The following STX3 variants were observed in gnomAD, a reference collection of about 807,000 sequenced individuals.
STX3 encodes the protein syntaxin-3.
In STX3, 19 loss-of-function variants were observed where a neutral mutation model predicts 40.2. The observed-to-expected ratio is 0.47, with a 90% CI of 0.33 to 0.69. The LOEUF is 0.69. Among genes scored for constraint, STX3 ranks in the 30% least tolerant of loss-of-function variants. STX3 has a pLI of 0.02. For synonymous variants in STX3, 122 were observed against 132.2 expected, an observed-to-expected ratio of 0.92 and a Z score of 0.53; for missense variants, 364 against 366.7, an observed-to-expected ratio of 0.99 and a Z score of 0.06.
chr11:59,765,607 C>A (rs1480192602), intron 1 of STX3, among the ~76,000 whole-genome samples: 1 of 152,124 alleles, frequency 6.6e-6, no homozygotes, highest in African/African-American at 2.4e-5. Flanking sequence ...AGTCCAAGAC[C>A]AGCCTGAGCT....
At chr11:59,781,617 A>G in intron 2 of STX3, 4 of 1,613,610 alleles carry the variant, frequency 2.5e-6, no homozygotes, top group Non-Finnish European at 3.4e-6. Flanking sequence ...CATTGCGCCC[A>G]TTTTTCGCAA....
chr11:59,755,780 C>T (rs1343200226), intron 1 of STX3, 145 bp downstream of exon 1: 6 of 1,133,686 alleles, frequency 5.3e-6, no homozygotes, highest in East Asian at 3.1e-5. Flanking sequence ...GCGCCGGTTC[C>T]GCACCCTCCC....
intron 2 of STX3, among the ~76,000 whole-genome samples, chr11:59,778,069 T>C (rs1249838826): frequency 1.8e-4 from 28 of 152,172 alleles, no homozygotes; most frequent in Admixed American, 1.8e-3. Context: ...TTAGGGCTAT[T>C]GAACTTGTTA....
chr11:59,801,777 T>C lies in STX3; in HGVS notation c.*953T>C. On this transcript the variant is annotated 3_prime_UTR_variant, in exon 11 of 11. Transcript: ENST00000337979. ...TGAAATGTATGTACACATAAGTGTG[T>C]GTGTCTCAGGAAGTAGGAAATAAAA... 19 of 985,504 alleles carry C rather than the reference T, an allele frequency of 1.9e-5. No homozygotes were observed. The highest frequency in any genetic ancestry group is 2.2e-5 in the Non-Finnish European group (18 of 829,900). 61.0% of individuals were successfully genotyped at this position (985,504 alleles called of 1,614,324 possible). A position where few individuals can be genotyped will look rare whatever the true frequency, so the allele number is the denominator to read the frequency against.
intron 2 of STX3, among the ~76,000 whole-genome samples, chr11:59,784,828 C>T (rs1198989808): frequency 6.6e-6 from 1 of 152,116 alleles, no homozygotes; most frequent in Non-Finnish European, 1.5e-5. Flanking sequence ...TGGGTCGGGA[C>T]ACAGAGCCAA....
chr11:59,801,262 A>C lies in STX3; in HGVS notation c.*438A>C. On this transcript the variant is annotated 3_prime_UTR_variant, in exon 11 of 11. Transcript: ENST00000337979. Reference sequence around the variant, plus strand: ...GGAGTATCTTTAACAAAGCAGAATGATTCTTCTAAGTTTGGCAACAAGAAG... The same window carrying C: ...GGAGTATCTTTAACAAAGCAGAATGCTTCTTCTAAGTTTGGCAACAAGAAG... The C allele has an allele frequency of 9.8e-7, 1 of 1,016,914 alleles. No homozygotes were observed. Among genetic ancestry groups the C allele is most frequent in the Non-Finnish European group, 1.2e-6 (1 of 849,744 alleles). The allele number at this position is 1,016,914 out of a possible 1,614,324, so 63.0% of individuals were successfully genotyped here.
intron 8 of STX3, among the ~76,000 whole-genome samples, chr11:59,794,066 T>A (rs1801787622): frequency 6.6e-6 from 1 of 152,186 alleles, no homozygotes; most frequent in African/African-American, 2.4e-5. Context: ...AGGTTTAACA[T>A]AAATTTTTAT....
At chr11:59,755,746 C>T in intron 1 of STX3, 111 bp downstream of exon 1, 2 of 1,369,124 alleles carry the variant, frequency 1.5e-6, no homozygotes, top group South Asian at 1.5e-5. Flanking sequence ...GAGGCTTGCC[C>T]TCCCCAAGCC....
At chr11:59,781,744 G>A (rs954619906) in intron 2 of STX3, 3 of 1,569,698 alleles carry the variant, frequency 1.9e-6, no homozygotes, top group Admixed American at 1.9e-5. Flanking sequence ...GGGCTGGCGT[G>A]CAGAGAGCAA....
rs1017060233 is a variant in STX3, at chr11:59,805,727, A to T, written c.*4903A>T. ...AACACTCTCCCTCTTGGAGAATTTCAGACCCAGAAAAGGCCACGCAGTTCT... is the reference window on the plus strand; with the variant it reads ...AACACTCTCCCTCTTGGAGAATTTCTGACCCAGAAAAGGCCACGCAGTTCT... On this transcript the variant is annotated 3_prime_UTR_variant, in exon 11 of 11. Transcript: ENST00000337979. 6.5e-6 allele frequency: 1 copy of T among 152,676 alleles called. No individual in the cohort carries two copies. The highest frequency in any genetic ancestry group is 1.5e-5 in the Non-Finnish European group (1 of 68,410). The allele number at this position is 152,676 out of a possible 1,614,324, so 9.5% of individuals were successfully genotyped here.
chr11:59,772,609 G>A (rs908956399), intron 1 of STX3, among the ~76,000 whole-genome samples: 3 of 152,178 alleles, frequency 2.0e-5, no homozygotes, highest in African/African-American at 4.8e-5. Flanking sequence ...TGAACAGCAT[G>A]GAGAAGGGTT....
chr11:59,797,459 G>A, intron 10 of STX3, 63 bp downstream of exon 10: 2 of 1,236,300 alleles, frequency 1.6e-6, no homozygotes, highest in South Asian at 2.5e-5. Flanking sequence ...ATTAGCTTGG[G>A]ATTTCAAATT....
At chr11:59,797,488 G>T in intron 10 of STX3, 92 bp downstream of exon 10, 1 of 931,844 alleles carries the variant, frequency 1.1e-6, no homozygotes. Flanking sequence ...TTCCCCCTAT[G>T]ATTGTCCTTG....
Position 59,801,796 on chromosome 11 carries a change from A to T in STX3, c.*972A>T, listed in dbSNP as rs1865896923. ...AGTGTGTGTGTCTCAGGAAGTAGGA[A>T]ATAAAAATGGAAGCTATTATGACCT... On this transcript the variant is annotated 3_prime_UTR_variant, in exon 11 of 11. Transcript: ENST00000337979. 1 of 985,694 alleles carries T rather than the reference A, an allele frequency of 1.0e-6. No individual in the cohort carries two copies. Among genetic ancestry groups the T allele is most frequent in the Admixed American group, 6.2e-5 (1 of 16,260 alleles). The allele number at this position is 985,694 out of a possible 1,614,324, so 61.1% of individuals were successfully genotyped here. A position where few individuals can be genotyped will look rare whatever the true frequency, so the allele number is the denominator to read the frequency against.
At chr11:59,795,312 G>A (rs973652830) in intron 8 of STX3, 60 bp from the exon 9 acceptor site, 32 of 1,369,150 alleles carry the variant, frequency 2.3e-5, no homozygotes, top group Non-Finnish European at 2.9e-5. Context: ...TCCCTTCCCC[G>A]CATTGGCTAG....
In STX3 at chr11:59,755,537, T is replaced by C. The variant is rs1175190146; in HGVS notation, c.-69T>C. On this transcript the variant is annotated 5_prime_UTR_variant, in exon 1 of 11. Coordinates refer to ENST00000337979, the MANE Select transcript of STX3 (RefSeq NM_004177.5). ...CGGCCGCCGCTTCCGGCAGCTCACCTGGGAAGCGCTCACCTGGGACGCGCT... is the reference window on the plus strand; with the variant it reads ...CGGCCGCCGCTTCCGGCAGCTCACCCGGGAAGCGCTCACCTGGGACGCGCT... 1 of 1,555,716 alleles carries C rather than the reference T, an allele frequency of 6.4e-7. No individual in the cohort carries two copies. Among genetic ancestry groups the C allele is most frequent in the South Asian group, 1.1e-5 (1 of 87,102 alleles).
chr11:59,802,417 C>T lies in STX3; in HGVS notation c.*1593C>T. On this transcript the variant is annotated 3_prime_UTR_variant, in exon 11 of 11. Transcript: ENST00000337979. ...AAGCACCCTTAATTCAGGCACTGTCCATTAGCTTCCTTTGCAAAGGCTACT... is the reference window on the plus strand; with the variant it reads ...AAGCACCCTTAATTCAGGCACTGTCTATTAGCTTCCTTTGCAAAGGCTACT... 1.0e-6 allele frequency: 1 copy of T among 985,788 alleles called. No homozygotes were observed. Among genetic ancestry groups the T allele is most frequent in the Non-Finnish European group, 1.2e-6 (1 of 829,936 alleles). The allele number at this position is 985,788 out of a possible 1,614,324, so 61.1% of individuals were successfully genotyped here.
At chr11:59,788,219 C>T (rs570838556) in intron 3 of STX3, among the ~76,000 whole-genome samples, 1 of 152,288 alleles carries the variant, frequency 6.6e-6, no homozygotes, top group South Asian at 2.1e-4. Context: ...CTGTGCACAC[C>T]TTGACCAGAA....
intron 1 of STX3, among the ~76,000 whole-genome samples, chr11:59,765,767 G>A (rs1351410482): frequency 1.3e-5 from 2 of 152,144 alleles, no homozygotes; most frequent in South Asian, 2.1e-4. Flanking sequence ...TTGCACCACC[G>A]TACTCCAGCC....
Sources: allele counts gnomAD v4.1 joint callset (sites outside exome capture counted in the v4.1 genomes callset), GRCh38; gene constraint gnomAD v4.1.1; transcripts MANE v1.5; gene names NCBI Gene and HGNC (gene_info 2026-07-23, HGNC 2026-07-21).